LRFN5: variants seen among roughly 807,000 people sequenced by gnomAD.
LRFN5 encodes the protein leucine rich repeat and fibronectin type III domain containing 5.
A neutral mutation model predicts 45.6 loss-of-function variants in LRFN5; 24 were observed. The observed-to-expected ratio is 0.53, with a 90% CI of 0.38 to 0.74. The LOEUF (loss-of-function observed/expected upper bound fraction) is 0.74. Among genes scored for constraint, LRFN5 ranks in the 30% least tolerant of loss-of-function variants. The pLI is 0.00. For missense variants in LRFN5, 776 were observed against 861.5 expected (o/e 0.90, Z 1.24); for synonymous variants, 340 against 313.8 (o/e 1.08, Z -0.88).
In LRFN5 at chr14:41,783,117, T is replaced by A. The variant is rs181568160; in HGVS notation, c.-21+16088T>A. ...GCTTCCTTGTGGAGAAAAATCTGGGTATATTTCAGAATGGTTACTTTTCCC... is the reference window on the plus strand; with the variant it reads ...GCTTCCTTGTGGAGAAAAATCTGGGAATATTTCAGAATGGTTACTTTTCCC... On this transcript the variant is annotated intron_variant, in intron 2 of 5. Coordinates refer to ENST00000298119, the MANE Select transcript of LRFN5 (RefSeq NM_152447.5). 5.5e-4 allele frequency among the ~76,000 whole-genome samples: 83 copies of A among 152,018 alleles called. 1 individual carries two copies. Among genetic ancestry groups the A allele is most frequent in the Non-Finnish European group, 9.6e-4 (65 of 67,974 alleles).
intron 2 of LRFN5, among the ~76,000 whole-genome samples, chr14:41,773,544 CCTCT>C (rs1005969963): frequency 2.0e-5 from 3 of 151,268 alleles, no homozygotes; most frequent in Admixed American, 6.6e-5. Context: ...AGAGCATTTT[CCTCT>C]CTCTCTCTCT....
At chr14:41,750,120 TTGTG>T (rs1465385787) in intron 1 of LRFN5, among the ~76,000 whole-genome samples, 2 of 151,812 alleles carry the variant, frequency 1.3e-5, no homozygotes, top group East Asian at 3.9e-4. Flanking sequence ...ACTAGAAAAA[TTGTG>T]TGTAAGTAAT....
Position 41,796,088 on chromosome 14 carries a change from A to T in LRFN5, c.-21+29059A>T, listed in dbSNP as rs148244288. ...TTTCTAAAAATACAAAATCAATAAAAGTTTTTTCAAAAATAAAAAAATAAA... is the reference window on the plus strand; with the variant it reads ...TTTCTAAAAATACAAAATCAATAAATGTTTTTTCAAAAATAAAAAAATAAA... On this transcript the variant is annotated intron_variant, in intron 2 of 5. Coordinates refer to ENST00000298119, the MANE Select transcript of LRFN5 (RefSeq NM_152447.5). Among the ~76,000 whole-genome samples the T allele has an allele frequency of 1.7e-3, 264 of 152,096 alleles. 5 individuals carry two copies. In the East Asian group the frequency reaches 0.049, roughly 28 times the overall value.
chr14:41,790,320 T>A (rs1297876118), intron 2 of LRFN5, among the ~76,000 whole-genome samples: 1 of 151,878 alleles, frequency 6.6e-6, no homozygotes, highest in Non-Finnish European at 1.5e-5. Flanking sequence ...ATTTGAGTCT[T>A]ATTTTTTTTC....
chr14:41,717,419 T>G (rs1883537165), intron 1 of LRFN5, among the ~76,000 whole-genome samples: 1 of 152,214 alleles, frequency 6.6e-6, no homozygotes, highest in Non-Finnish European at 1.5e-5. Context: ...TCTTGCTAGA[T>G]GTAAACACCA....
intron 1 of LRFN5, among the ~76,000 whole-genome samples, chr14:41,734,289 G>C (rs1884311261): frequency 1.2e-5 from 1 of 83,356 alleles, no homozygotes; most frequent in African/African-American, 3.6e-5. Flanking sequence ...GGGATTACAG[G>C]CGTGAGCCAC....
chr14:41,697,736 G>A (rs554386664), intron 1 of LRFN5, among the ~76,000 whole-genome samples: 2 of 149,330 alleles, frequency 1.3e-5, no homozygotes, highest in South Asian at 4.2e-4. Context: ...CTTAAGATAT[G>A]ACTATTACAA....
At position 41,704,612 on chromosome 14, in the gene LRFN5, C is replaced by G. The variant is rs146310925; in HGVS notation, c.-196-62242C>G. Among the ~76,000 whole-genome samples the G allele has an allele frequency of 2.2e-3, 342 of 152,096 alleles. 4 individuals carry two copies. The highest frequency in any genetic ancestry group is 0.018 in the South Asian group (86 of 4,808). On this transcript the variant is annotated intron_variant, in intron 1 of 5. Coordinates refer to ENST00000298119, the MANE Select transcript of LRFN5 (RefSeq NM_152447.5). ...CGGGTGGAACTACAGATGCGTGCCA[C>G]CACACCTGGATAGACTTATTTTTAT...
intron 4 of LRFN5, chr14:41,894,931 G>A (rs1890891226): frequency 1.0e-6 from 1 of 983,240 alleles, no homozygotes; most frequent in Non-Finnish European, 1.2e-6. Flanking sequence ...CATCTGGTTT[G>A]CTGTTTGTTG....
intron 1 of LRFN5, among the ~76,000 whole-genome samples, chr14:41,636,300 C>T (rs1451800067): frequency 1.3e-5 from 2 of 152,122 alleles, no homozygotes; most frequent in African/African-American, 4.8e-5. Flanking sequence ...CAGTGAACTT[C>T]AGTTTACTTC....
At chr14:41,767,516 G>A (rs1885929185) in intron 2 of LRFN5, among the ~76,000 whole-genome samples, 3 of 152,136 alleles carry the variant, frequency 2.0e-5, no homozygotes, top group Admixed American at 6.5e-5. Context: ...ACTGGTGCTA[G>A]AAAGAGCACT....
At position 41,904,253 on chromosome 14, in the gene LRFN5, A is replaced by G; in HGVS notation, c.*78A>G. ...CTGGATAAAATTCAAAAATGTTTCA[A>G]TTCACAAAGGCTAATTGTTGAACTG... On this transcript the variant is annotated 3_prime_UTR_variant, in exon 6 of 6. Transcript: ENST00000298119. 1 of 1,520,076 alleles carries G rather than the reference A, an allele frequency of 6.6e-7. No homozygotes were observed. The highest frequency in any genetic ancestry group is 9.1e-7 in the Non-Finnish European group (1 of 1,101,046). 94.2% of individuals were successfully genotyped at this position (1,520,076 alleles called of 1,614,324 possible).
At chr14:41,750,540 A>G (rs1885087628) in intron 1 of LRFN5, among the ~76,000 whole-genome samples, 1 of 152,050 alleles carries the variant, frequency 6.6e-6, no homozygotes, top group African/African-American at 2.4e-5. Flanking sequence ...AAAATAATAA[A>G]GTACATATAT....
chr14:41,872,306 A>G (rs1413562857), intron 2 of LRFN5, among the ~76,000 whole-genome samples: 3 of 152,212 alleles, frequency 2.0e-5, no homozygotes, highest in Non-Finnish European at 4.4e-5. Context: ...AATTTACAGA[A>G]AAGAGCTACA....
chr14:41,868,512 A>C (rs1339057751), intron 2 of LRFN5, among the ~76,000 whole-genome samples: 2 of 152,126 alleles, frequency 1.3e-5, no homozygotes, highest in Non-Finnish European at 2.9e-5. Context: ...ATAAGTGCTT[A>C]AAAATTGGCC....
At chr14:41,793,031 G>A (rs1234906511) in intron 2 of LRFN5, among the ~76,000 whole-genome samples, 1 of 151,416 alleles carries the variant, frequency 6.6e-6, no homozygotes, top group Non-Finnish European at 1.5e-5. Context: ...ATAGCATTGG[G>A]AGATATACCT....
chr14:41,630,764 A>G (rs1888505491), intron 1 of LRFN5, among the ~76,000 whole-genome samples: 1 of 152,122 alleles, frequency 6.6e-6, no homozygotes. Context: ...GGTCACTTGT[A>G]AAGTCTTTTA....
At chr14:41,839,659 A>T (rs910538296) in intron 2 of LRFN5, among the ~76,000 whole-genome samples, 1 of 152,196 alleles carries the variant, frequency 6.6e-6, no homozygotes, top group African/African-American at 2.4e-5. Context: ...TAAGAATAAT[A>T]GCTGTAAAAT....
intron 1 of LRFN5, among the ~76,000 whole-genome samples, chr14:41,765,438 T>TAC (rs1467711657): frequency 6.6e-6 from 1 of 150,712 alleles, no homozygotes; most frequent in Non-Finnish European, 1.5e-5. Context: ...CACACATACA[T>TAC]ACACACACAA....
Sources: gnomAD v4.1 joint callset for allele counts (sites outside exome capture counted in the v4.1 genomes callset) on GRCh38, gnomAD v4.1.1 for gene constraint, MANE v1.5 for transcripts, NCBI Gene and HGNC (gene_info 2026-07-23, HGNC 2026-07-21) for gene names.